The following CUX1 variants were observed in gnomAD, a reference collection of about 807,000 sequenced individuals.
CUX1 encodes the protein protein CASP.
CUX1 carries 31 observed loss-of-function variants against 158.8 expected under a neutral mutation model. That is an observed-to-expected ratio of 0.20 (90% CI 0.15 to 0.26). The LOEUF is 0.26. CUX1 is among the 10% of genes least tolerant of loss of function. The probability of loss-of-function intolerance (pLI) is 1.00; values close to 1 mark genes in which losing one functional copy is unlikely to be tolerated. For synonymous variants in CUX1, 879 were observed against 862.1 expected (o/e 1.02, Z -0.34); for missense variants, 1,589 against 2,014.6 (o/e 0.79, Z 4.04).
chr7:101,925,482 T>C (rs1195536717), intron 2 of CUX1, among the ~76,000 whole-genome samples: 3 of 152,174 alleles, frequency 2.0e-5, no homozygotes, highest in African/African-American at 4.8e-5. Context: ...GACTGATAGT[T>C]GGTATGAGGT....
chr7:102,275,440 T>C (rs1554547553), intron 17 of CUX1: 2 of 1,165,374 alleles, frequency 1.7e-6, no homozygotes, highest in Non-Finnish European at 2.5e-6. Flanking sequence ...AGGAGAGAGA[T>C]GTGGCACAGA....
At chr7:101,872,882 A>AT (rs1215127647) in intron 1 of CUX1, among the ~76,000 whole-genome samples, 2 of 150,922 alleles carry the variant, frequency 1.3e-5, no homozygotes, top group Non-Finnish European at 1.5e-5. Context: ...TTTATTTTTT[A>AT]TTTTTTTTGA....
intron 1 of CUX1, among the ~76,000 whole-genome samples, chr7:101,875,826 A>G (rs1359544256): frequency 2.0e-5 from 3 of 146,470 alleles, no homozygotes; most frequent in African/African-American, 7.5e-5. Context: ...TCTATTTAGC[A>G]CTCTTTTTTT....
At position 102,250,043 on chromosome 7, in the gene CUX1, CAAAAAAAAG is replaced by C. The variant is rs1801326242; in HGVS notation, c.*1010_*1018del. 3.7e-5 allele frequency: 33 copies of C among 895,758 alleles called. No individual in the cohort carries two copies. The highest frequency in any genetic ancestry group is 4.2e-5 in the Non-Finnish European group (33 of 787,718). The allele number at this position is 895,758 out of a possible 1,614,324, so 55.5% of individuals were successfully genotyped here. On this transcript the variant is annotated 3_prime_UTR_variant, in exon 24 of 24. Coordinates refer to ENST00000292535, the MANE Select transcript of CUX1 (RefSeq NM_181552.4). ...CACTCCATTCTAGGCCAAATCAGGA[CAAAAAAAAG>C]AAAAAAAAAGAAAAAAAAAAAAGAA...
At chr7:102,174,629 T>C (rs781993502) in intron 10 of CUX1, among the ~76,000 whole-genome samples, 1 of 152,182 alleles carries the variant, frequency 6.6e-6, no homozygotes, top group Non-Finnish European at 1.5e-5. Context: ...TGTGTTGAGA[T>C]GGAGTGAGCC....
In CUX1 at chr7:102,012,674, CG is replaced by C. The variant is rs146654374; in HGVS notation, c.142-15423del. ...GCTGCTTCCAGAAGGTATACATTCC[CG>C]TGTCCACTCTGTGTCCTGGAGAGTG... On this transcript the variant is annotated intron_variant, in intron 2 of 23. Coordinates refer to ENST00000292535, the MANE Select transcript of CUX1 (RefSeq NM_181552.4). 9.7e-3 allele frequency among the ~76,000 whole-genome samples: 1,440 copies of C among 148,008 alleles called. 21 individuals carry two copies. The highest frequency in any genetic ancestry group is 0.035 in the African/African-American group (1,376 of 39,160).
intron 11 of CUX1, among the ~76,000 whole-genome samples, chr7:102,186,504 T>G (rs1451608032): frequency 5.3e-5 from 8 of 152,112 alleles, no homozygotes; most frequent in African/African-American, 1.9e-4. Flanking sequence ...AATGAGGCTG[T>G]GTTCTGAGAA....
At chr7:101,935,414 T>C (rs1296024563) in intron 2 of CUX1, among the ~76,000 whole-genome samples, 1 of 152,218 alleles carries the variant, frequency 6.6e-6, no homozygotes, top group East Asian at 1.9e-4. Context: ...TTTGGTGGTC[T>C]TTTCACACGG....
At chr7:101,887,842 C>CCTTTTTT (rs1562966470) in intron 1 of CUX1, among the ~76,000 whole-genome samples, 4 of 135,038 alleles carry the variant, frequency 3.0e-5, no homozygotes, top group East Asian at 2.3e-4. Flanking sequence ...ATGACGGTGA[C>CCTTTTTT]ATTTTTTTTT....
At chr7:102,156,981 G>A (rs1789830747) in intron 8 of CUX1, among the ~76,000 whole-genome samples, 1 of 152,248 alleles carries the variant, frequency 6.6e-6, no homozygotes, top group Non-Finnish European at 1.5e-5. Flanking sequence ...GAGGGTCTGG[G>A]AAGGGTGGAT....
At chr7:101,856,691 A>G (rs1584777956) in intron 1 of CUX1, among the ~76,000 whole-genome samples, 1 of 152,340 alleles carries the variant, frequency 6.6e-6, no homozygotes, top group South Asian at 2.1e-4. Context: ...ACGGCAGCCA[A>G]CTGAGCTGCT....
chr7:101,902,103 G>T (rs1026008154), intron 1 of CUX1, among the ~76,000 whole-genome samples: 2 of 152,162 alleles, frequency 1.3e-5, no homozygotes, highest in African/African-American at 4.8e-5. Flanking sequence ...CTCGCCCCCT[G>T]TTTCATGGAG....
At chr7:102,176,035 C>T (rs420437) in intron 10 of CUX1, among the ~76,000 whole-genome samples, 59,986 of 152,120 alleles carry the variant, frequency 0.39, 12,315 homozygotes, top group Middle Eastern at 0.45. Context: ...GTAAATAAGC[C>T]GACAGGAGAT....
At chr7:102,061,221 A>G (rs1230095730) in intron 3 of CUX1, among the ~76,000 whole-genome samples, 2 of 152,036 alleles carry the variant, frequency 1.3e-5, no homozygotes, top group Non-Finnish European at 2.9e-5. Context: ...CACTGTGCCC[A>G]GCCAAAGACT....
intron 3 of CUX1, among the ~76,000 whole-genome samples, chr7:102,032,056 G>A (rs1484868152): frequency 6.6e-6 from 1 of 151,672 alleles, no homozygotes; most frequent in Non-Finnish European, 1.5e-5. Context: ...CTCCCAAGTA[G>A]CTAGGACCAC....
intron 10 of CUX1, among the ~76,000 whole-genome samples, chr7:102,176,253 C>T (rs1792312460): frequency 6.6e-6 from 1 of 152,226 alleles, no homozygotes; most frequent in South Asian, 2.1e-4. Flanking sequence ...TGCCTGTCCC[C>T]AAATTTGAAA....
chr7:101,937,230 C>T (rs1263934108), intron 2 of CUX1, among the ~76,000 whole-genome samples: 1 of 152,204 alleles, frequency 6.6e-6, no homozygotes, highest in East Asian at 1.9e-4. Flanking sequence ...CAGCCCCCAG[C>T]TCCTCCCCCT....
rs146633189 is a variant in CUX1 at position 101,950,830 on chromosome 7, C to T, written c.141+34605C>T. ...CCTCCCAAAGTGCTGGGATTACAGGCGTGAGCCATGTAGAATATTTACTAT... is the reference window on the plus strand; with the variant it reads ...CCTCCCAAAGTGCTGGGATTACAGGTGTGAGCCATGTAGAATATTTACTAT... On this transcript the variant is annotated intron_variant, in intron 2 of 23. Coordinates refer to ENST00000292535, the MANE Select transcript of CUX1 (RefSeq NM_181552.4). Among the ~76,000 whole-genome samples, 24 of 152,246 alleles carry T rather than the reference C, an allele frequency of 1.6e-4. No homozygotes were observed. The East Asian group carries it at 2.1e-3, about 13-fold the overall frequency.
chr7:101,866,430 C>T (rs1201996561), intron 1 of CUX1, among the ~76,000 whole-genome samples: 1 of 152,120 alleles, frequency 6.6e-6, no homozygotes, highest in African/African-American at 2.4e-5. Flanking sequence ...GATTGCACCA[C>T]TGCACTCCAG....
Sources: allele counts gnomAD v4.1 joint callset (sites outside exome capture counted in the v4.1 genomes callset), GRCh38; gene constraint gnomAD v4.1.1; transcripts MANE v1.5; gene names NCBI Gene and HGNC (gene_info 2026-07-23, HGNC 2026-07-21).